The following SLC44A3 variants were observed in gnomAD, a reference collection of about 807,000 sequenced individuals.
SLC44A3 encodes solute carrier family 44 member 3, also known as choline transporter-like protein 3.
In SLC44A3, 74 loss-of-function variants were observed where a neutral mutation model predicts 75.4. That is an observed-to-expected ratio of 0.98 (90% CI 0.81 to 1.19). SLC44A3 has a LOEUF of 1.19. Ranked by LOEUF, SLC44A3 falls within the 50% of genes most tolerant of loss-of-function variation. SLC44A3 has a pLI of 0.00. For synonymous variants in SLC44A3, 310 were observed against 296.9 expected, an observed-to-expected ratio of 1.04 and a Z score of -0.45; for missense variants, 700 against 778.6, an observed-to-expected ratio of 0.90 and a Z score of 1.20.
At chr1:94,888,606 G>C (rs1669856762) in intron 12 of SLC44A3, 2 of 946,194 alleles carry the variant, frequency 2.1e-6, no homozygotes, top group Non-Finnish European at 1.3e-6. Flanking sequence ...CACATTCTAT[G>C]TAAGTCCAAA....
chr1:94,871,775 T>C (rs1368128999), intron 12 of SLC44A3, among the ~76,000 whole-genome samples: 1 of 152,264 alleles, frequency 6.6e-6, no homozygotes, highest in Admixed American at 6.5e-5. Context: ...CATTTTTGCA[T>C]ACAACAAGGA....
intron 6 of SLC44A3, among the ~76,000 whole-genome samples, chr1:94,838,240 G>GGATCAGAAAGCA (rs1663088822): frequency 6.6e-6 from 1 of 152,198 alleles, no homozygotes; most frequent in South Asian, 2.1e-4. Flanking sequence ...ACCTGTAGGT[G>GGATCAGAAAGCA]GATCAGAAAG....
intron 12 of SLC44A3, among the ~76,000 whole-genome samples, chr1:94,876,606 G>T (rs1234554371): frequency 1.5e-4 from 23 of 152,190 alleles, no homozygotes; most frequent in Admixed American, 1.5e-3. Context: ...AGGAATACAT[G>T]CCACTTTGAT....
At chr1:94,870,381 A>G (rs1030748244) in intron 12 of SLC44A3, among the ~76,000 whole-genome samples, 1 of 152,228 alleles carries the variant, frequency 6.6e-6, no homozygotes, top group African/African-American at 2.4e-5. Context: ...GCCAGGGGCC[A>G]GTAAGTGGTA....
intron 4 of SLC44A3, among the ~76,000 whole-genome samples, chr1:94,827,966 C>T (rs1234984918): frequency 6.6e-6 from 1 of 152,108 alleles, no homozygotes; most frequent in Non-Finnish European, 1.5e-5. Context: ...AGGCAGAGAG[C>T]TCCATGCACG....
chr1:94,847,897 C>T (rs183719660), intron 9 of SLC44A3, among the ~76,000 whole-genome samples: 4 of 152,298 alleles, frequency 2.6e-5, no homozygotes, highest in Admixed American at 2.0e-4. Context: ...TACCTTACAC[C>T]TCCCTTGCAT....
chr1:94,829,458 G>C (rs1237432297), intron 5 of SLC44A3, among the ~76,000 whole-genome samples: 1 of 152,096 alleles, frequency 6.6e-6, no homozygotes, highest in African/African-American at 2.4e-5. Flanking sequence ...CACTTGGTGG[G>C]CTCCTTGCAA....
At chr1:94,853,067 A>G (rs1344804413) in intron 9 of SLC44A3, among the ~76,000 whole-genome samples, 2 of 152,190 alleles carry the variant, frequency 1.3e-5, no homozygotes, top group African/African-American at 4.8e-5. Flanking sequence ...ATTAGAATGA[A>G]TGTAGATAGA....
intron 12 of SLC44A3, among the ~76,000 whole-genome samples, chr1:94,879,711 T>C (rs1240603778): frequency 2.7e-5 from 4 of 150,704 alleles, no homozygotes; most frequent in Non-Finnish European, 4.4e-5. Context: ...TGGTGGCAGG[T>C]GCCTGTAGTC....
chr1:94,830,379 A>T (rs529673623), intron 5 of SLC44A3, among the ~76,000 whole-genome samples: 1 of 152,194 alleles, frequency 6.6e-6, no homozygotes, highest in African/African-American at 2.4e-5. Flanking sequence ...TACCCAGCTA[A>T]TGTTTTTATT....
intron 9 of SLC44A3, among the ~76,000 whole-genome samples, chr1:94,856,709 C>G (rs1006478590): frequency 2.0e-5 from 3 of 152,038 alleles, no homozygotes; most frequent in Non-Finnish European, 2.9e-5. Context: ...TGAGACTTTA[C>G]AAAAGTTACT....
rs181748192 is a variant in SLC44A3, at chr1:94,881,235, C to T, written c.1483-9895C>T. ...CAGCCTGGCAGGGCAGCTCTGGCTT[C>T]CTCACCCCTAGGCTCACCAACAGTG... On this transcript the variant is annotated intron_variant, in intron 12 of 14. Transcript: ENST00000271227. Among the ~76,000 whole-genome samples the T allele has an allele frequency of 3.4e-3, 523 of 152,266 alleles. 4 individuals carry two copies. The highest frequency in any genetic ancestry group is 5.4e-3 in the Non-Finnish European group (369 of 68,030).
chr1:94,863,233 A>G (rs767716768), intron 10 of SLC44A3, among the ~76,000 whole-genome samples: 9 of 152,272 alleles, frequency 5.9e-5, no homozygotes, highest in Non-Finnish European at 1.3e-4. Context: ...CAAGCCAGGC[A>G]GAGCCTCCAG....
intron 9 of SLC44A3, among the ~76,000 whole-genome samples, chr1:94,846,548 C>T (rs554015162): frequency 2.0e-5 from 3 of 152,338 alleles, no homozygotes; most frequent in East Asian, 1.9e-4. Flanking sequence ...AGCTGAGAAA[C>T]GATGTGCTTA....
At position 94,892,353 on chromosome 1, in the gene SLC44A3, G is replaced by A. The variant is rs760001834; in HGVS notation, c.1693G>A (p.Ala565Thr). The A allele has an allele frequency of 2.6e-5, 42 of 1,614,086 alleles. No homozygotes were observed. The highest frequency in any genetic ancestry group is 3.3e-5 in the Non-Finnish European group (39 of 1,180,042). The change falls in exon 14 of 15, where the codon GCA (alanine) becomes ACA (threonine). Residue 565 changes from alanine (A) to threonine (T), a missense_variant. Ala to Thr is a moderately conservative substitution (Grantham distance 58). Transcript: ENST00000271227. ...FNYNRAFQVW[A>T]VPLLLVAFFA... Reference sequence around the variant, plus strand: ...CTACAATCGGGCATTCCAGGTGTGGGCAGTCCCTCTGTTATTGGTAGCTTT... The same window carrying A: ...CTACAATCGGGCATTCCAGGTGTGGACAGTCCCTCTGTTATTGGTAGCTTT...
intron 11 of SLC44A3, among the ~76,000 whole-genome samples, chr1:94,865,321 A>C (rs1431262409): frequency 6.6e-6 from 1 of 152,180 alleles, no homozygotes; most frequent in East Asian, 1.9e-4. Flanking sequence ...TTTGATGCTA[A>C]AATATTGCCT....
chr1:94,856,416 G>A lies in SLC44A3; in HGVS notation c.1073-919G>A, dbSNP rs1006437200. On this transcript the variant is annotated intron_variant, in intron 9 of 14. Coordinates refer to ENST00000271227, the MANE Select transcript of SLC44A3 (RefSeq NM_001114106.3). ...AAAGCTGGGATCTGAACCTGGGAAG[G>A]TTAACACTGAGGCCCAGTAGATATT... Among the ~76,000 whole-genome samples the A allele has an allele frequency of 2.0e-5, 3 of 152,192 alleles. No homozygotes were observed. In the South Asian group the frequency reaches 6.2e-4, roughly 31 times the overall value.
At position 94,891,276 on chromosome 1, in the gene SLC44A3, T is replaced by C. The variant is rs1670179637; in HGVS notation, c.1620+9T>C. On this transcript the variant is annotated intron_variant, in intron 13 of 14. Transcript: ENST00000271227. ...TAATTTTTCTAGGAAAGGTGAGATA[T>C]CTTGACTAAATAAAGGAGCCTGGGA... The C allele has an allele frequency of 6.3e-7, 1 of 1,596,368 alleles. No individual in the cohort carries two copies. Among genetic ancestry groups the C allele is most frequent in the Non-Finnish European group, 8.5e-7 (1 of 1,173,958 alleles).
intron 10 of SLC44A3, among the ~76,000 whole-genome samples, chr1:94,862,531 G>C (rs1054361621): frequency 6.6e-6 from 1 of 152,208 alleles, no homozygotes; most frequent in Non-Finnish European, 1.5e-5. Context: ...AGCTTGGATT[G>C]ATGTGGTATT....
Sources: allele counts gnomAD v4.1 joint callset (sites outside exome capture counted in the v4.1 genomes callset), GRCh38; gene constraint gnomAD v4.1.1; transcripts MANE v1.5; gene names NCBI Gene and HGNC (gene_info 2026-07-23, HGNC 2026-07-21).